The following TTC7B variants were observed in gnomAD, a reference collection of about 807,000 sequenced individuals.
The protein encoded by TTC7B is tetratricopeptide repeat domain 7B, also known as tetratricopeptide repeat protein 7B.
Under a neutral mutation model 106.8 loss-of-function variants are expected in TTC7B, and 28 were observed. That is an observed-to-expected ratio of 0.26 (90% CI 0.19 to 0.36). The LOEUF (loss-of-function observed/expected upper bound fraction) is 0.36, where lower values mean the gene tolerates loss of function less well. Among genes scored for constraint, TTC7B ranks in the 10% least tolerant of loss-of-function variants. The pLI is 1.00. For synonymous variants in TTC7B, 405 were observed against 430.6 expected (o/e 0.94, Z 0.74); for missense variants, 862 against 1,076.4 (o/e 0.80, Z 2.79).
intron 13 of TTC7B, 112 bp downstream of exon 13, chr14:90,652,729 C>G: frequency 7.9e-7 from 1 of 1,261,540 alleles, no homozygotes; most frequent in East Asian, 2.3e-5. Context: ...ACGAAAGACT[C>G]TCAGGGGTAA....
chr14:90,652,734 G>C, intron 13 of TTC7B, 107 bp downstream of exon 13: 1 of 1,295,772 alleles, frequency 7.7e-7, no homozygotes, highest in Non-Finnish European at 1.1e-6. Context: ...AGACTCTCAG[G>C]GGTAAAACAC....
intron 6 of TTC7B, among the ~76,000 whole-genome samples, chr14:90,694,342 T>G (rs1360643606): frequency 6.6e-6 from 1 of 152,034 alleles, no homozygotes; most frequent in South Asian, 2.1e-4. Flanking sequence ...TGCCAGGGAC[T>G]AGGGGGAGGG....
rs569944883 is a variant in TTC7B, at chr14:90,555,835, C to A, written c.2311-14246G>T. ...AAAGAGCACGAAGGCAAGCTGAGAGCTGCCTCTGCCTAGCCCTGGGAGTGG... is the reference window on the plus strand; with the variant it reads ...AAAGAGCACGAAGGCAAGCTGAGAGATGCCTCTGCCTAGCCCTGGGAGTGG... On this transcript the variant is annotated intron_variant, in intron 19 of 19. Transcript: ENST00000328459. 3.3e-5 allele frequency among the ~76,000 whole-genome samples: 5 copies of A among 152,364 alleles called. No homozygotes were observed. In the South Asian group the frequency reaches 1.0e-3, roughly 32 times the overall value.
intron 19 of TTC7B, among the ~76,000 whole-genome samples, chr14:90,573,312 C>T (rs891273542): frequency 1.4e-4 from 21 of 152,188 alleles, no homozygotes; most frequent in African/African-American, 4.8e-4. Flanking sequence ...CATCTCACTG[C>T]TGTCCCGATG....
intron 17 of TTC7B, among the ~76,000 whole-genome samples, chr14:90,594,576 T>C (rs912622872): frequency 1.3e-5 from 2 of 152,196 alleles, no homozygotes; most frequent in African/African-American, 2.4e-5. Flanking sequence ...TTAATATTTC[T>C]ATTCACCTGC....
intron 19 of TTC7B, among the ~76,000 whole-genome samples, chr14:90,560,080 C>T (rs954411646): frequency 2.6e-5 from 4 of 152,220 alleles, no homozygotes; most frequent in Admixed American, 6.5e-5. Flanking sequence ...CATTTGGCAC[C>T]GTTCTTCTCT....
chr14:90,784,049 T>C (rs994956291), intron 2 of TTC7B, among the ~76,000 whole-genome samples: 2 of 151,176 alleles, frequency 1.3e-5, no homozygotes, highest in Non-Finnish European at 3.0e-5. Flanking sequence ...CAAGATGAAG[T>C]TGGGGGGCGG....
At chr14:90,557,864 C>T (rs1890389925) in intron 19 of TTC7B, among the ~76,000 whole-genome samples, 1 of 152,218 alleles carries the variant, frequency 6.6e-6, no homozygotes, top group East Asian at 1.9e-4. Flanking sequence ...TGGAAGGCGA[C>T]TGGATTTACA....
intron 3 of TTC7B, among the ~76,000 whole-genome samples, chr14:90,767,311 G>T: frequency 6.6e-6 from 1 of 152,180 alleles, no homozygotes; most frequent in Non-Finnish European, 1.5e-5. Flanking sequence ...ACTTGAGCAG[G>T]CAGTAACCTT....
chr14:90,609,757 T>G (rs1481205678), intron 17 of TTC7B, among the ~76,000 whole-genome samples: 1 of 152,188 alleles, frequency 6.6e-6, no homozygotes, highest in Non-Finnish European at 1.5e-5. Context: ...TTTTTGAGGC[T>G]CAAAGAAGAG....
In TTC7B at chr14:90,621,666, A is replaced by G. The variant is rs141111524; in HGVS notation, c.1752-3621T>C. 5.9e-3 allele frequency among the ~76,000 whole-genome samples: 899 copies of G among 152,324 alleles called. 3 individuals are homozygous for G. Among genetic ancestry groups the G allele is most frequent in the Middle Eastern group, 0.01 (3 of 294 alleles). Reference sequence around the variant, plus strand: ...ATTGTAGGCAGTACAATGGGCAGAAACACCTGCCCTGCCCGTCGCCAACAC... The same window carrying G: ...ATTGTAGGCAGTACAATGGGCAGAAGCACCTGCCCTGCCCGTCGCCAACAC... On this transcript the variant is annotated intron_variant, in intron 15 of 19. Transcript: ENST00000328459.
chr14:90,545,289 C>T (rs886555774), intron 19 of TTC7B, among the ~76,000 whole-genome samples: 45 of 152,200 alleles, frequency 3.0e-4, no homozygotes, highest in African/African-American at 1.1e-3. Flanking sequence ...GGCAATAACC[C>T]AGTTACATCC....
intron 6 of TTC7B, among the ~76,000 whole-genome samples, chr14:90,693,729 G>A (rs1887562459): frequency 6.6e-6 from 1 of 152,180 alleles, no homozygotes; most frequent in Non-Finnish European, 1.5e-5. Flanking sequence ...TGAGGGTGTG[G>A]AGAAATTGGA....
chr14:90,702,844 G>C (rs1261317725), intron 5 of TTC7B, among the ~76,000 whole-genome samples: 1 of 152,202 alleles, frequency 6.6e-6, no homozygotes, highest in Non-Finnish European at 1.5e-5. Flanking sequence ...TGGTGCCCCT[G>C]ACGGGGGCAG....
intron 1 of TTC7B, among the ~76,000 whole-genome samples, chr14:90,795,346 A>G (rs1891739340): frequency 6.6e-6 from 1 of 152,232 alleles, no homozygotes; most frequent in Admixed American, 6.5e-5. Context: ...GGTGCAACAC[A>G]GAAGCGGGGA....
intron 1 of TTC7B, among the ~76,000 whole-genome samples, chr14:90,800,053 C>T (rs2030157608): frequency 6.6e-6 from 1 of 152,036 alleles, no homozygotes; most frequent in Non-Finnish European, 1.5e-5. Flanking sequence ...AGGATGGTCT[C>T]GATCTCCTGA....
At chr14:90,702,742 G>A (rs911790729) in intron 5 of TTC7B, among the ~76,000 whole-genome samples, 5 of 152,166 alleles carry the variant, frequency 3.3e-5, no homozygotes, top group Non-Finnish European at 5.9e-5. Flanking sequence ...AATGACAAAA[G>A]ACAACCCATG....
At chr14:90,612,533 C>T (rs1892916739) in intron 16 of TTC7B, among the ~76,000 whole-genome samples, 1 of 152,110 alleles carries the variant, frequency 6.6e-6, no homozygotes. Flanking sequence ...TCTGGTGGTC[C>T]AAATCTGAGG....
chr14:90,695,003 C>A (rs1468831818), intron 6 of TTC7B, among the ~76,000 whole-genome samples: 4,410 of 71,116 alleles, frequency 0.062, 1,037 homozygotes, highest in East Asian at 0.16. Context: ...ACATATGCCA[C>A]ATATATTTAT....
Sources: gnomAD v4.1 joint callset for allele counts (sites outside exome capture counted in the v4.1 genomes callset) on GRCh38, gnomAD v4.1.1 for gene constraint, MANE v1.5 for transcripts, NCBI Gene and HGNC (gene_info 2026-07-23, HGNC 2026-07-21) for gene names.